RUFY1: variants seen among roughly 807,000 people sequenced by gnomAD.
RUFY1 encodes RUN and FYVE domain containing 1, also known as RUN and FYVE domain-containing protein 1.
In RUFY1, 54 loss-of-function variants were observed where a neutral mutation model predicts 94.6. That is an observed-to-expected ratio of 0.57 (90% CI 0.46 to 0.72). The LOEUF is 0.72. Ranked by LOEUF, RUFY1 falls within the 30% of genes least tolerant of loss-of-function variation. The pLI, the probability that RUFY1 is intolerant of heterozygous loss-of-function variation, is 0.00. For synonymous variants in RUFY1, 396 were observed against 347.3 expected, an observed-to-expected ratio of 1.14 and a Z score of -1.56; for missense variants, 883 against 883.9, an observed-to-expected ratio of 1.00 and a Z score of 0.01.
chr5:179,609,255 C>A, intron 17 of RUFY1, 121 bp from the exon 18 acceptor site: 4 of 974,664 alleles, frequency 4.1e-6, no homozygotes, highest in Non-Finnish European at 6.0e-6. Context: ...CCCCTCACCA[C>A]CCCACAGAAA....
In RUFY1 at chr5:179,569,791, C is replaced by A. The variant is rs1343836973; in HGVS notation, c.828+366C>A. Among the ~76,000 whole-genome samples the A allele has an allele frequency of 2.0e-5, 3 of 152,160 alleles. No homozygotes were observed. The East Asian group carries it at 5.8e-4, about 29-fold the overall frequency. ...ACGGAGTCTCGTTGTGTCTCCCAGG[C>A]TGGAGTGCAGTGGCGCGATCTCGGC... On this transcript the variant is annotated intron_variant, in intron 5 of 17. Transcript: ENST00000319449.
intron 5 of RUFY1, chr5:179,572,335 C>A: frequency 5.2e-6 from 1 of 193,860 alleles, no homozygotes; most frequent in South Asian, 7.3e-5. Context: ...ATTCAGCGAC[C>A]ATGCCGAGGA....
intron 3 of RUFY1, among the ~76,000 whole-genome samples, chr5:179,564,836 C>G (rs1460630014): frequency 6.6e-6 from 1 of 151,846 alleles, no homozygotes; most frequent in Non-Finnish European, 1.5e-5. Flanking sequence ...TTTTTTTTAA[C>G]CCAGCTAAAT....
At chr5:179,565,671 A>C (rs1762782322) in intron 3 of RUFY1, among the ~76,000 whole-genome samples, 1 of 152,086 alleles carries the variant, frequency 6.6e-6, no homozygotes, top group Non-Finnish European at 1.5e-5. Context: ...TTGTCTGTCT[A>C]ATTTTGTTTA....
chr5:179,555,828 T>G, intron 1 of RUFY1: 1 of 267,608 alleles, frequency 3.7e-6, no homozygotes, highest in Non-Finnish European at 7.5e-6. Context: ...TAATTGATCA[T>G]TCTTGGGTGT....
chr5:179,579,367 A>G lies in RUFY1; in HGVS notation c.891-1580A>G, dbSNP rs926357581. ...GAGACAGTTTTGTAGTTTCGCTCTT[A>G]TTGCCCAGGCTGGAGTGTAGCGGCA... On this transcript the variant is annotated intron_variant, in intron 6 of 17. Transcript: ENST00000319449. Among the ~76,000 whole-genome samples the G allele has an allele frequency of 2.6e-5, 4 of 151,908 alleles. No homozygotes were observed. The South Asian group carries it at 6.2e-4, about 24-fold the overall frequency.
At chr5:179,595,429 C>G (rs1191043183) in intron 12 of RUFY1, among the ~76,000 whole-genome samples, 2 of 152,002 alleles carry the variant, frequency 1.3e-5, no homozygotes, top group Non-Finnish European at 2.9e-5. Flanking sequence ...AACATATGGA[C>G]AGCAAAAAAG....
intron 1 of RUFY1, chr5:179,555,788 C>T (rs1440093622): frequency 3.7e-6 from 1 of 272,292 alleles, no homozygotes; most frequent in Non-Finnish European, 7.2e-6. Context: ...CCACCACGCC[C>T]AGGTAATTTT....
rs905833773 is a variant in RUFY1, at chr5:179,560,304, T to C, written c.484+106T>C. ...CTTCTAGATGCTGAAATGCCAGCAG[T>C]GTACAGAACAGGCAAGGTTCCTGTA... On this transcript the variant is annotated intron_variant, in intron 2 of 17. Coordinates refer to ENST00000319449, the MANE Select transcript of RUFY1 (RefSeq NM_025158.5). 11 of 1,385,798 alleles carry C rather than the reference T, an allele frequency of 7.9e-6. No individual in the cohort carries two copies. In the African/African-American group the frequency reaches 1.0e-4, roughly 13 times the overall value. 85.8% of individuals were successfully genotyped at this position (1,385,798 alleles called of 1,614,324 possible). A position where few individuals can be genotyped will look rare whatever the true frequency, so the allele number is the denominator to read the frequency against.
rs549075601 is a variant in RUFY1, at chr5:179,552,507, T to C, written c.310+1628T>C. Among the ~76,000 whole-genome samples the C allele has an allele frequency of 6.8e-4, 103 of 152,222 alleles. 1 individual carries two copies. The highest frequency in any genetic ancestry group is 1.4e-3 in the Non-Finnish European group (93 of 68,004). Reference sequence around the variant, plus strand: ...GTTTTGAGATCCTGGCAGTGGAAAATAGCATTAGAGGATGATGAGAGCCTG... The same window carrying C: ...GTTTTGAGATCCTGGCAGTGGAAAACAGCATTAGAGGATGATGAGAGCCTG... On this transcript the variant is annotated intron_variant, in intron 1 of 17. Coordinates refer to ENST00000319449, the MANE Select transcript of RUFY1 (RefSeq NM_025158.5).
chr5:179,560,052 G>A lies in RUFY1; in HGVS notation c.338G>A (p.Arg113His). Reference sequence around the variant, plus strand: ...TCTAAGTGCCAGATGATGGAGGAGCGTGCCAACCTGATGCACATGATGAAA... The same window carrying A: ...TCTAAGTGCCAGATGATGGAGGAGCATGCCAACCTGATGCACATGATGAAA... Reference protein sequence around the residue: ...AASKCQMMEERANLMHMMKLS... With the variant: ...AASKCQMMEEHANLMHMMKLS... The change falls in exon 2 of 18, where the codon CGT becomes CAT. Residue 113 changes from arginine (R) to histidine (H), a missense_variant. Transcript: ENST00000319449. 6.2e-7 allele frequency: 1 copy of A among 1,613,900 alleles called. No homozygotes were observed. Among genetic ancestry groups the A allele is most frequent in the Non-Finnish European group, 8.5e-7 (1 of 1,179,964 alleles).
chr5:179,593,549 A>C lies in RUFY1; in HGVS notation c.1317A>C (p.Glu439Asp), dbSNP rs1415542915. The C allele has an allele frequency of 6.2e-7, 1 of 1,614,164 alleles. No individual in the cohort carries two copies. The highest frequency in any genetic ancestry group is 8.5e-7 in the Non-Finnish European group (1 of 1,179,960). ...TGGAAATTGCAATGAAGTTACTGGA[A>C]AAGGACACCCACGAGAAGCAGGACA... ...TEMEIAMKLL[E>D]KDTHEKQDTL... The change falls in exon 11 of 18, where the codon GAA (glutamate) becomes GAC (aspartate). Residue 439 changes from glutamate to aspartate, a missense_variant. By Grantham distance (45) the Glu-to-Asp change is conservative (BLOSUM62 2). Transcript: ENST00000319449.
In RUFY1 at chr5:179,598,851, C is replaced by T. The variant is rs779887445; in HGVS notation, c.1761+30C>T. On this transcript the variant is annotated intron_variant, in intron 14 of 17. Transcript: ENST00000319449. ...GGTGGGCCATCCCGGGAGAGGAGAG[C>T]CTCTGGCAGCCTCCAGAAACCCCTA... 3 of 1,612,634 alleles carry T rather than the reference C, an allele frequency of 1.9e-6. No homozygotes were observed. The South Asian group carries it at 3.3e-5, about 18-fold the overall frequency.
chr5:179,587,604 G>A (rs1764721780), intron 8 of RUFY1, among the ~76,000 whole-genome samples: 1 of 129,218 alleles, frequency 7.7e-6, no homozygotes, highest in African/African-American at 3.0e-5. Flanking sequence ...ATTTCACCAT[G>A]TTAGCCAGGA....
intron 2 of RUFY1, 37 bp from the exon 3 acceptor site, chr5:179,562,510 C>T: frequency 7.5e-7 from 1 of 1,340,852 alleles, no homozygotes; most frequent in Non-Finnish European, 1.1e-6. Flanking sequence ...ATTTTGCAAC[C>T]TGTTCTTATG....
At chr5:179,580,452 C>G (rs1194832057) in intron 6 of RUFY1, among the ~76,000 whole-genome samples, 2 of 151,556 alleles carry the variant, frequency 1.3e-5, no homozygotes, top group African/African-American at 4.8e-5. Context: ...CCGTGTTAGC[C>G]AGGATGGTCT....
chr5:179,571,158 AATT>A (rs1309701133), intron 5 of RUFY1, among the ~76,000 whole-genome samples: 38 of 152,330 alleles, frequency 2.5e-4, no homozygotes, highest in African/African-American at 8.2e-4. Context: ...TTTAACGTAC[AATT>A]ATGTAACCAG....
intron 5 of RUFY1, among the ~76,000 whole-genome samples, chr5:179,576,703 G>A (rs961384317): frequency 5.9e-5 from 9 of 152,060 alleles, no homozygotes; most frequent in Non-Finnish European, 1.2e-4. Flanking sequence ...TTACAGGCGT[G>A]AGCCACCACG....
At chr5:179,569,987 G>C (rs545659975) in intron 5 of RUFY1, among the ~76,000 whole-genome samples, 1 of 151,216 alleles carries the variant, frequency 6.6e-6, no homozygotes, top group African/African-American at 2.4e-5. Context: ...CTCGTGATCC[G>C]CCCACCTCGG....
Sources: gnomAD v4.1 joint callset for allele counts (sites outside exome capture counted in the v4.1 genomes callset) on GRCh38, gnomAD v4.1.1 for gene constraint, MANE v1.5 for transcripts, NCBI Gene and HGNC (gene_info 2026-07-23, HGNC 2026-07-21) for gene names.